The following PRKCQ variants were observed in gnomAD, a reference collection of about 807,000 sequenced individuals.
The protein encoded by PRKCQ is protein kinase C theta, also known as protein kinase C theta type.
Under a neutral mutation model 91.2 loss-of-function variants are expected in PRKCQ, and 41 were observed. The observed-to-expected ratio is 0.45, with a 90% confidence interval of 0.35 to 0.58. The LOEUF (loss-of-function observed/expected upper bound fraction) is 0.58. Among genes scored for constraint, PRKCQ ranks in the 20% least tolerant of loss-of-function variants. PRKCQ has a pLI of 0.00. For synonymous variants in PRKCQ, 307 were observed against 316.9 expected (o/e 0.97, Z 0.33); for missense variants, 673 against 896.5 (o/e 0.75, Z 3.18).
At chr10:6,416,835 C>T in the PRKCQ span, among the ~76,000 whole-genome samples, 6 of 152,186 alleles carry the variant, frequency 3.9e-5, no homozygotes, top group Non-Finnish European at 7.3e-5. Context: ...CCACCAGCAG[C>T]GTAAAAGTGT....
intron 1 of PRKCQ, among the ~76,000 whole-genome samples, chr10:6,548,137 C>T (rs1187997986): frequency 6.6e-6 from 1 of 151,950 alleles, no homozygotes; most frequent in African/African-American, 2.4e-5. Context: ...AAAAAATGCT[C>T]ATCATCACTG....
chr10:6,555,541 T>G (rs1012150873), intron 1 of PRKCQ, among the ~76,000 whole-genome samples: 1 of 152,198 alleles, frequency 6.6e-6, no homozygotes. Flanking sequence ...AAGACATTCA[T>G]TGTTGTGTAT....
intron 3 of PRKCQ, among the ~76,000 whole-genome samples, chr10:6,509,637 G>A (rs1024320409): frequency 9.9e-5 from 15 of 152,132 alleles, no homozygotes; most frequent in Non-Finnish European, 2.2e-4. Flanking sequence ...TTGAACTCCT[G>A]ACCTCAGGTG....
chr10:6,451,798 AG>A (rs1200745144), intron 15 of PRKCQ, among the ~76,000 whole-genome samples: 1 of 152,236 alleles, frequency 6.6e-6, no homozygotes, highest in Non-Finnish European at 1.5e-5. Context: ...AATGTAATCC[AG>A]CATATAAACA....
chr10:6,395,333 G>A, the PRKCQ span, among the ~76,000 whole-genome samples: 1 of 152,038 alleles, frequency 6.6e-6, no homozygotes, highest in African/African-American at 2.4e-5. Flanking sequence ...CAAAGGGCTG[G>A]GATTACAGGC....
At chr10:6,533,113 C>T (rs1479179864) in intron 1 of PRKCQ, among the ~76,000 whole-genome samples, 1 of 152,102 alleles carries the variant, frequency 6.6e-6, no homozygotes, top group Non-Finnish European at 1.5e-5. Context: ...GAGCTCCTCC[C>T]ATTATCAACA....
At chr10:6,492,787 A>C (rs1837393721) in intron 7 of PRKCQ, among the ~76,000 whole-genome samples, 1 of 152,184 alleles carries the variant, frequency 6.6e-6, no homozygotes, top group African/African-American at 2.4e-5. Flanking sequence ...TGCAGGATAA[A>C]ATGCTTTATT....
chr10:6,395,175 C>T, the PRKCQ span, among the ~76,000 whole-genome samples: 56 of 151,478 alleles, frequency 3.7e-4, no homozygotes, highest in Non-Finnish European at 6.9e-4. Context: ...GCCATTCTCC[C>T]GCTTCAGCCT....
At chr10:6,545,182 AT>A (rs1839906729) in intron 1 of PRKCQ, among the ~76,000 whole-genome samples, 1 of 152,212 alleles carries the variant, frequency 6.6e-6, no homozygotes, top group South Asian at 2.1e-4. Flanking sequence ...TGAGAAAGGC[AT>A]TTTTCTTGCA....
intron 1 of PRKCQ, among the ~76,000 whole-genome samples, chr10:6,538,625 G>A (rs564248174): frequency 9.2e-5 from 14 of 152,232 alleles, no homozygotes; most frequent in South Asian, 8.3e-4. Context: ...TCACATTGAC[G>A]TCACCAAAGT....
chr10:6,408,046 G>GTTTTTTTTTTTTTTTTT, the PRKCQ span, among the ~76,000 whole-genome samples: 1 of 84,226 alleles, frequency 1.2e-5, no homozygotes, highest in African/African-American at 5.6e-5. Context: ...TCTTGTGTCA[G>GTTTTTTTTTTTTTTTTT]TTTTTTTTTT....
At chr10:6,446,357 G>GTTTTTT (rs66839272) in intron 15 of PRKCQ, among the ~76,000 whole-genome samples, 14 of 79,596 alleles carry the variant, frequency 1.8e-4, no homozygotes, top group Non-Finnish European at 2.3e-4. Flanking sequence ...ACTATGCTCA[G>GTTTTTT]TTTTTTTTTT....
At chr10:6,454,137 C>T (rs1347030288) in intron 15 of PRKCQ, among the ~76,000 whole-genome samples, 5 of 152,110 alleles carry the variant, frequency 3.3e-5, no homozygotes, top group South Asian at 2.1e-4. Context: ...ATAACCTGAT[C>T]ATATTCCTTT....
chr10:6,479,767 TAAAA>T (rs34610362), intron 11 of PRKCQ, among the ~76,000 whole-genome samples: 1 of 38,988 alleles, frequency 2.6e-5, no homozygotes, highest in Non-Finnish European at 4.3e-5. Flanking sequence ...CCGTCTCGAC[TAAAA>T]AAAAAAAAAA....
chr10:6,469,628 T>G (rs1453439847), intron 12 of PRKCQ, among the ~76,000 whole-genome samples: 1 of 152,204 alleles, frequency 6.6e-6, no homozygotes, highest in Admixed American at 6.5e-5. Context: ...TCAACTTTAC[T>G]AATAATTTTG....
chr10:6,557,812 A>G (rs891770152), intron 1 of PRKCQ, among the ~76,000 whole-genome samples: 9 of 152,164 alleles, frequency 5.9e-5, no homozygotes, highest in African/African-American at 1.9e-4. Flanking sequence ...TGTCTTGATC[A>G]ATGGAATTAC....
chr10:6,532,100 A>C (rs1839418565), intron 1 of PRKCQ, among the ~76,000 whole-genome samples: 1 of 152,208 alleles, frequency 6.6e-6, no homozygotes, highest in Non-Finnish European at 1.5e-5. Context: ...CATATGCCGA[A>C]GGATTGTTTA....
chr10:6,518,176 T>C (rs1392292334), intron 1 of PRKCQ, among the ~76,000 whole-genome samples: 2 of 152,200 alleles, frequency 1.3e-5, no homozygotes, highest in Non-Finnish European at 2.9e-5. Flanking sequence ...TCAATTTTAC[T>C]GTATGATAAT....
At chr10:6,394,577 C>T in the PRKCQ span, among the ~76,000 whole-genome samples, 2 of 152,228 alleles carry the variant, frequency 1.3e-5, no homozygotes, top group Non-Finnish European at 2.9e-5. Context: ...GGTAGTGTTA[C>T]GTGCCAGGGG....
Sources: allele counts gnomAD v4.1 joint callset (sites outside exome capture counted in the v4.1 genomes callset), GRCh38; gene constraint gnomAD v4.1.1; transcripts MANE v1.5; gene names NCBI Gene and HGNC (gene_info 2026-07-23, HGNC 2026-07-21).